The following TNKS2 variants were observed in gnomAD, a reference collection of about 807,000 sequenced individuals.
TNKS2 encodes the protein tankyrase 2, also known as poly [ADP-ribose] polymerase tankyrase-2.
A neutral mutation model predicts 137.6 loss-of-function variants in TNKS2; 72 were observed. That is an observed-to-expected ratio of 0.52 (90% CI 0.43 to 0.64). The LOEUF (loss-of-function observed/expected upper bound fraction) is 0.64. TNKS2 is among the 30% of genes least tolerant of loss of function. The probability of loss-of-function intolerance (pLI) is 0.00; values close to 1 mark genes in which losing one functional copy is unlikely to be tolerated. For missense variants in TNKS2, 1,049 were observed against 1,410.2 expected, an observed-to-expected ratio of 0.74 and a Z score of 4.10; for synonymous variants, 516 against 512.1, an observed-to-expected ratio of 1.01 and a Z score of -0.10.
At chr10:91,808,714 G>T (rs1191476807) in intron 1 of TNKS2, among the ~76,000 whole-genome samples, 1 of 152,124 alleles carries the variant, frequency 6.6e-6, no homozygotes, top group Non-Finnish European at 1.5e-5. Context: ...GGTGAAAAGT[G>T]TAGACTGGAG....
chr10:91,836,251 GATGT>G (rs1048135196), intron 12 of TNKS2, among the ~76,000 whole-genome samples: 1 of 151,576 alleles, frequency 6.6e-6, no homozygotes, highest in Non-Finnish European at 1.5e-5. Context: ...TGCTGCTTTT[GATGT>G]ACTGTTCAAA....
intron 6 of TNKS2, 55 bp from the exon 7 acceptor site, chr10:91,822,241 C>A (rs1308911868): frequency 1.5e-6 from 2 of 1,363,702 alleles, no homozygotes; most frequent in Non-Finnish European, 2.0e-6. Context: ...TATAAATTTC[C>A]CTAGGCCTAA....
chr10:91,822,508 TG>T, intron 7 of TNKS2, 146 bp downstream of exon 7: 1 of 613,538 alleles, frequency 1.6e-6, no homozygotes, highest in Non-Finnish European at 2.8e-6. Context: ...AAAATATAGG[TG>T]ACTGATAGCT....
At position 91,798,497 on chromosome 10, in the gene TNKS2, G is replaced by T; in HGVS notation, c.-194G>T. 1.9e-6 allele frequency: 1 copy of T among 521,724 alleles called. No homozygotes were observed. The highest frequency in any genetic ancestry group is 2.8e-6 in the Non-Finnish European group (1 of 359,008). 32.3% of individuals were successfully genotyped at this position (521,724 alleles called of 1,614,324 possible). A position where few individuals can be genotyped will look rare whatever the true frequency, so the allele number is the denominator to read the frequency against. ...CTGCCTCCGCCGCCGCGGGGCAGCCGGGGGGCAGGGAGCCCAGCGAGGGGC... is the reference window on the plus strand; with the variant it reads ...CTGCCTCCGCCGCCGCGGGGCAGCCTGGGGGCAGGGAGCCCAGCGAGGGGC... On this transcript the variant is annotated 5_prime_UTR_variant, in exon 1 of 27. Transcript: ENST00000371627.
At chr10:91,822,763 G>A (rs911860806) in intron 7 of TNKS2, among the ~76,000 whole-genome samples, 2 of 151,888 alleles carry the variant, frequency 1.3e-5, no homozygotes, top group African/African-American at 4.8e-5. Context: ...TCACCATGTT[G>A]GCCAGGCTGG....
chr10:91,803,508 T>A (rs1180023823), intron 1 of TNKS2, among the ~76,000 whole-genome samples: 1 of 152,156 alleles, frequency 6.6e-6, no homozygotes, highest in Non-Finnish European at 1.5e-5. Context: ...CCAGGCATGG[T>A]GGTGCAGGCC....
intron 3 of TNKS2, among the ~76,000 whole-genome samples, chr10:91,818,550 G>C (rs1364729084): frequency 6.6e-6 from 1 of 152,100 alleles, no homozygotes; most frequent in South Asian, 2.1e-4. Context: ...GCATGTGTGT[G>C]TATCAAGGCC....
intron 11 of TNKS2, 99 bp from the exon 12 acceptor site, chr10:91,833,754 G>T: frequency 1.0e-6 from 1 of 990,582 alleles, no homozygotes; most frequent in East Asian, 2.8e-5. Flanking sequence ...CCTCATAAAA[G>T]AATTGAGACT....
At chr10:91,833,724 C>G (rs1841896996) in intron 11 of TNKS2, 129 bp from the exon 12 acceptor site, 4 of 664,532 alleles carry the variant, frequency 6.0e-6, no homozygotes, top group Middle Eastern at 4.5e-4. Flanking sequence ...AAAATACTTG[C>G]TTTGGCATTG....
At chr10:91,844,607 T>C (rs546505856) in intron 16 of TNKS2, among the ~76,000 whole-genome samples, 3 of 152,278 alleles carry the variant, frequency 2.0e-5, no homozygotes, top group Non-Finnish European at 2.9e-5. Context: ...AAGGTTTTCA[T>C]AGGAAAGATA....
At chr10:91,839,523 C>T (rs1199240244) in intron 13 of TNKS2, among the ~76,000 whole-genome samples, 2 of 151,926 alleles carry the variant, frequency 1.3e-5, no homozygotes, top group Non-Finnish European at 2.9e-5. Context: ...AACTCCTGAC[C>T]TCAAGTGATC....
Position 91,817,186 on chromosome 10 carries a change from A to T in TNKS2, c.477A>T (p.Thr159=), listed in dbSNP as rs1299677775. Residue 159 remains threonine (T), a synonymous_variant, in exon 3 of 27, where the codon ACA becomes ACT. Coordinates refer to ENST00000371627, the MANE Select transcript of TNKS2 (RefSeq NM_025235.4). Reference sequence around the variant, plus strand: ...CCATCCGAAATACAGATGGAAGGACAGCATTGGATTTAGCAGATCCATCTG... The same window carrying T: ...CCATCCGAAATACAGATGGAAGGACTGCATTGGATTTAGCAGATCCATCTG... ...EPTIRNTDGR[T]ALDLADPSAK... is the part of the protein sequence containing the mutation. 1 of 1,613,808 alleles carries T rather than the reference A, an allele frequency of 6.2e-7. No individual in the cohort carries two copies. Among genetic ancestry groups the T allele is most frequent in the Admixed American group, 1.7e-5 (1 of 60,008 alleles).
At chr10:91,824,436 A>G (rs1845002776) in intron 7 of TNKS2, among the ~76,000 whole-genome samples, 1 of 152,204 alleles carries the variant, frequency 6.6e-6, no homozygotes, top group South Asian at 2.1e-4. Context: ...AATTCTCTTA[A>G]CATTCTTCCT....
chr10:91,860,329 A>G (rs1564632271), intron 25 of TNKS2, among the ~76,000 whole-genome samples: 1 of 152,210 alleles, frequency 6.6e-6, no homozygotes, highest in Non-Finnish European at 1.5e-5. Context: ...TGCTTATTGA[A>G]TATACAGAGC....
chr10:91,837,670 G>T (rs976096474), intron 13 of TNKS2, among the ~76,000 whole-genome samples: 1 of 152,164 alleles, frequency 6.6e-6, no homozygotes, highest in African/African-American at 2.4e-5. Flanking sequence ...GACCAGCCTG[G>T]CCAACATGGC....
intron 21 of TNKS2, among the ~76,000 whole-genome samples, chr10:91,853,893 A>G (rs2133676873): frequency 6.6e-6 from 1 of 152,198 alleles, no homozygotes; most frequent in East Asian, 1.9e-4. Context: ...TGGCCCCTAC[A>G]TGGGAAAACA....
At chr10:91,821,043 A>T (rs1747468951) in intron 6 of TNKS2, among the ~76,000 whole-genome samples, 1 of 151,790 alleles carries the variant, frequency 6.6e-6, no homozygotes, top group Admixed American at 6.6e-5. Context: ...TTTTTATTTT[A>T]TTTTATTTTT....
At chr10:91,810,115 G>C (rs900221243) in intron 1 of TNKS2, among the ~76,000 whole-genome samples, 1 of 152,094 alleles carries the variant, frequency 6.6e-6, no homozygotes, top group Admixed American at 6.5e-5. Flanking sequence ...CAGTGCGGTG[G>C]CTTGTGCCTG....
chr10:91,838,474 A>G (rs576597525), intron 13 of TNKS2, among the ~76,000 whole-genome samples: 1 of 152,296 alleles, frequency 6.6e-6, no homozygotes, highest in South Asian at 2.1e-4. Context: ...TTCACTGATA[A>G]TCCACCAGGC....
Sources: allele counts gnomAD v4.1 joint callset (sites outside exome capture counted in the v4.1 genomes callset), GRCh38; gene constraint gnomAD v4.1.1; transcripts MANE v1.5; gene names NCBI Gene and HGNC (gene_info 2026-07-23, HGNC 2026-07-21).